Variants in ITGBL1 observed in about 807,000 individuals in gnomAD.
ITGBL1 encodes integrin subunit beta like 1, also known as integrin beta-like protein 1.
ITGBL1 carries 51 observed loss-of-function variants against 68.5 expected under a neutral mutation model. That is an observed-to-expected ratio of 0.74 (90% CI 0.59 to 0.94). ITGBL1 has a LOEUF of 0.94. ITGBL1 is among the 40% of genes least tolerant of loss of function. ITGBL1 has a pLI of 0.00. For missense variants in ITGBL1, 649 were observed against 647.4 expected, an observed-to-expected ratio of 1.00 and a Z score of -0.03; for synonymous variants, 209 against 227.3, an observed-to-expected ratio of 0.92 and a Z score of 0.72.
At chr13:101,632,692 A>G (rs1348922712) in intron 7 of ITGBL1, among the ~76,000 whole-genome samples, 1 of 152,232 alleles carries the variant, frequency 6.6e-6, no homozygotes, top group Non-Finnish European at 1.5e-5. Flanking sequence ...TTTTATCTCC[A>G]TTCATCAAAA....
At chr13:101,490,449 A>G (rs961599732) in intron 2 of ITGBL1, among the ~76,000 whole-genome samples, 1 of 152,234 alleles carries the variant, frequency 6.6e-6, no homozygotes, top group Non-Finnish European at 1.5e-5. Context: ...AGTCCTCTTA[A>G]GGAATAAAGA....
intron 2 of ITGBL1, among the ~76,000 whole-genome samples, chr13:101,509,183 TG>T (rs2049074646): frequency 6.6e-6 from 1 of 152,082 alleles, no homozygotes; most frequent in Non-Finnish European, 1.5e-5. Context: ...ACGTGGATGG[TG>T]GCAGGCAAAG....
intron 2 of ITGBL1, among the ~76,000 whole-genome samples, chr13:101,471,986 TA>T (rs2048467781): frequency 7.0e-6 from 1 of 143,530 alleles, no homozygotes; most frequent in Non-Finnish European, 1.5e-5. Flanking sequence ...AAATACATTT[TA>T]TTTTTATTTT....
At chr13:101,613,915 A>G (rs948421548) in intron 7 of ITGBL1, among the ~76,000 whole-genome samples, 1 of 152,072 alleles carries the variant, frequency 6.6e-6, no homozygotes, top group Non-Finnish European at 1.5e-5. Flanking sequence ...TGGACACTTT[A>G]GTTTTTGCCC....
At chr13:101,590,048 G>T (rs776906170) in intron 6 of ITGBL1, among the ~76,000 whole-genome samples, 5 of 152,188 alleles carry the variant, frequency 3.3e-5, no homozygotes, top group Non-Finnish European at 7.4e-5. Flanking sequence ...AACAGAACGT[G>T]CCTATGGGAG....
intron 2 of ITGBL1, among the ~76,000 whole-genome samples, chr13:101,524,063 G>A (rs1324363533): frequency 6.6e-6 from 1 of 152,076 alleles, no homozygotes; most frequent in Non-Finnish European, 1.5e-5. Flanking sequence ...CATTTTTACT[G>A]CAGTGCAGTG....
chr13:101,623,340 C>A (rs779969259), intron 7 of ITGBL1, among the ~76,000 whole-genome samples: 26 of 152,112 alleles, frequency 1.7e-4, no homozygotes, highest in Non-Finnish European at 3.2e-4. Context: ...AAACTATCTA[C>A]ACTTTTCTCT....
intron 7 of ITGBL1, among the ~76,000 whole-genome samples, chr13:101,622,911 A>ATG (rs756971096): frequency 1.5e-3 from 171 of 115,026 alleles, no homozygotes; most frequent in Middle Eastern, 4.1e-3. Flanking sequence ...TGTGTGGGGT[A>ATG]TGTATGTGTG....
intron 7 of ITGBL1, among the ~76,000 whole-genome samples, chr13:101,668,258 G>T (rs568502610): frequency 6.6e-6 from 1 of 152,182 alleles, no homozygotes; most frequent in East Asian, 1.9e-4. Flanking sequence ...CATGGTGGTG[G>T]CCTCCTATAA....
At chr13:101,672,232 C>T (rs1392246130) in intron 7 of ITGBL1, among the ~76,000 whole-genome samples, 1 of 152,112 alleles carries the variant, frequency 6.6e-6, no homozygotes. Flanking sequence ...TGGCCCTGTG[C>T]ATAGTTTCTT....
In ITGBL1 at chr13:101,557,177, C is replaced by T. The variant is rs115690317; in HGVS notation, c.317-10522C>T. 6.1e-3 allele frequency among the ~76,000 whole-genome samples: 931 copies of T among 152,256 alleles called. 12 individuals carry two copies. Among genetic ancestry groups the T allele is most frequent in the African/African-American group, 0.021 (871 of 41,538 alleles). On this transcript the variant is annotated intron_variant, in intron 2 of 10. Coordinates refer to ENST00000376180, the MANE Select transcript of ITGBL1 (RefSeq NM_004791.3). ...GGAACTTAGGATGAAGAACGCAGCA[C>T]TGTCAGATGAAGAATATTATTAATG... is the stretch of plus-strand genomic sequence containing the variant.
At chr13:101,720,113 A>G (rs1765387601), downstream of ITGBL1, 1 of 152,078 alleles carries the variant, frequency 6.6e-6, no homozygotes, top group Non-Finnish European at 1.5e-5. Context: ...AAATGATATT[A>G]AACACAAACT....
At chr13:101,623,987 C>T (rs2031682240) in intron 7 of ITGBL1, among the ~76,000 whole-genome samples, 1 of 152,162 alleles carries the variant, frequency 6.6e-6, no homozygotes, top group African/African-American at 2.4e-5. Flanking sequence ...ACATCTCCCC[C>T]CACCCAGTTT....
intron 2 of ITGBL1, among the ~76,000 whole-genome samples, chr13:101,511,921 G>A (rs926540812): frequency 6.6e-6 from 1 of 152,132 alleles, no homozygotes; most frequent in African/African-American, 2.4e-5. Flanking sequence ...ATGAAAACCA[G>A]AAGTCTCCTT....
chr13:101,655,343 G>A (rs1165527106), intron 7 of ITGBL1, among the ~76,000 whole-genome samples: 3 of 152,158 alleles, frequency 2.0e-5, no homozygotes, highest in African/African-American at 7.2e-5. Context: ...TGCCAGACAT[G>A]CACATTTAAA....
downstream of ITGBL1, chr13:101,720,471 G>A (rs928742725): frequency 1.3e-5 from 2 of 151,836 alleles, no homozygotes; most frequent in Non-Finnish European, 2.9e-5. Context: ...ACTTGCAGGG[G>A]AAAAAGAAAC....
In ITGBL1 at chr13:101,545,863, C is replaced by T. The variant is rs147260345; in HGVS notation, c.317-21836C>T. On this transcript the variant is annotated intron_variant, in intron 2 of 10. Coordinates refer to ENST00000376180, the MANE Select transcript of ITGBL1 (RefSeq NM_004791.3). ...TTCAGATTGGTTACTCCTAGTTAAA[C>T]ATTTTGAATATTATACCTGTTTATA... is the stretch of plus-strand genomic sequence containing the variant. Among the ~76,000 whole-genome samples the T allele has an allele frequency of 7.8e-3, 1,189 of 152,292 alleles. 10 individuals carry two copies. Among genetic ancestry groups the T allele is most frequent in the Non-Finnish European group, 1.0e-2 (677 of 68,022 alleles).
chr13:101,538,888 T>C (rs1024099287), intron 2 of ITGBL1, among the ~76,000 whole-genome samples: 3 of 152,086 alleles, frequency 2.0e-5, no homozygotes, highest in African/African-American at 7.2e-5. Flanking sequence ...AATTCTGTAA[T>C]GCAAATACTA....
At chr13:101,619,154 A>G (rs2031486125) in intron 7 of ITGBL1, among the ~76,000 whole-genome samples, 1 of 152,152 alleles carries the variant, frequency 6.6e-6, no homozygotes, top group Admixed American at 6.6e-5. Flanking sequence ...TTTCAGACTT[A>G]TAACCAAATG....
Sources: allele counts gnomAD v4.1 joint callset (sites outside exome capture counted in the v4.1 genomes callset), GRCh38; gene constraint gnomAD v4.1.1; transcripts MANE v1.5; gene names NCBI Gene and HGNC (gene_info 2026-07-23, HGNC 2026-07-21).